TMEM163: variants seen among roughly 807,000 people sequenced by gnomAD.
TMEM163 encodes the protein transmembrane protein 163.
A neutral mutation model predicts 29.3 loss-of-function variants in TMEM163; 17 were observed. The observed-to-expected ratio is 0.58, with a 90% CI of 0.40 to 0.87. The LOEUF (loss-of-function observed/expected upper bound fraction) is 0.87, where lower values mean the gene tolerates loss of function less well. Among genes scored for constraint, TMEM163 ranks in the 40% least tolerant of loss-of-function variants. The pLI, the probability that TMEM163 is intolerant of heterozygous loss-of-function variation, is 0.00. For synonymous variants in TMEM163, 157 were observed against 160.6 expected, an observed-to-expected ratio of 0.98 and a Z score of 0.17; for missense variants, 303 against 381.5, an observed-to-expected ratio of 0.79 and a Z score of 1.71.
chr2:134,585,509 G>A (rs747739535), intron 2 of TMEM163, among the ~76,000 whole-genome samples: 12 of 152,172 alleles, frequency 7.9e-5, no homozygotes, highest in Non-Finnish European at 1.3e-4. Context: ...TTGGGAGGCC[G>A]AGGCGGGCAG....
intron 3 of TMEM163, among the ~76,000 whole-genome samples, chr2:134,551,113 C>T (rs1421465213): frequency 6.6e-6 from 1 of 152,132 alleles, no homozygotes; most frequent in East Asian, 1.9e-4. Flanking sequence ...TCTGCCAGCA[C>T]TTTAAAGTTG....
intron 4 of TMEM163, among the ~76,000 whole-genome samples, chr2:134,516,556 G>A (rs990347961): frequency 4.7e-5 from 7 of 150,084 alleles, no homozygotes; most frequent in African/African-American, 1.7e-4. Flanking sequence ...ACAAGACCCT[G>A]TCTCAAAAAT....
At chr2:134,465,065 A>G (rs6732942) in intron 6 of TMEM163, among the ~76,000 whole-genome samples, 37,133 of 151,796 alleles carry the variant, frequency 0.24, 7,546 homozygotes, top group East Asian at 0.6. Context: ...TTAAAAAAAT[A>G]ATCTACCCGG....
At position 134,708,413 on chromosome 2, in the gene TMEM163, A is replaced by G. The variant is rs74816214; in HGVS notation, c.322+4787T>C. Among the ~76,000 whole-genome samples, 2,905 of 152,300 alleles carry G rather than the reference A, an allele frequency of 0.019. 147 individuals carry two copies. The East Asian group carries it at 0.19, about 10-fold the overall frequency. ...ATAATTTAGAAAGAAAAAGAATAAA[A>G]ACACATATCTTACCATTTTTAAGGG... On this transcript the variant is annotated intron_variant, in intron 2 of 7. Transcript: ENST00000281924.
At position 134,500,480 on chromosome 2, in the gene TMEM163, T is replaced by C. The variant is rs146998190; in HGVS notation, c.555+2421A>G. Among the ~76,000 whole-genome samples, 570 of 152,340 alleles carry C rather than the reference T, an allele frequency of 3.7e-3. 5 individuals are homozygous for C. The highest frequency in any genetic ancestry group is 0.011 in the African/African-American group (472 of 41,576). On this transcript the variant is annotated intron_variant, in intron 5 of 7. Coordinates refer to ENST00000281924, the MANE Select transcript of TMEM163 (RefSeq NM_030923.5). ...TTGAAAGCTCCTTAGTTAACAACTC[T>C]GAAGGCTTAAACAAAACCACCAGCA...
rs897799669 is a variant in TMEM163, at chr2:134,619,277, G to A, written c.323-67186C>T. 3.3e-5 allele frequency among the ~76,000 whole-genome samples: 5 copies of A among 152,154 alleles called. No homozygotes were observed. The East Asian group carries it at 5.8e-4, about 18-fold the overall frequency. On this transcript the variant is annotated intron_variant, in intron 2 of 7. Transcript: ENST00000281924. ...CTAATTTTATGAGGCCAGTATTACC[G>A]TAATACCAAAGCTAGACGGACATCA...
intron 4 of TMEM163, among the ~76,000 whole-genome samples, chr2:134,530,451 A>AT (rs1441449524): frequency 6.6e-6 from 1 of 151,950 alleles, no homozygotes; most frequent in African/African-American, 2.4e-5. Context: ...AATTTATTTC[A>AT]TTTTTTGTAG....
intron 4 of TMEM163, among the ~76,000 whole-genome samples, chr2:134,538,867 G>T (rs1680599145): frequency 6.6e-6 from 1 of 152,122 alleles, no homozygotes; most frequent in African/African-American, 2.4e-5. Flanking sequence ...AAGGCTACAG[G>T]GATTGGGACT....
chr2:134,718,787 C>A lies in TMEM163; in HGVS notation c.149G>T (p.Arg50Leu). The A allele has an allele frequency of 8.7e-7, 1 of 1,150,292 alleles. No homozygotes were observed. The highest frequency in any genetic ancestry group is 1.1e-6 in the Non-Finnish European group (1 of 935,830). 71.3% of individuals were successfully genotyped at this position (1,150,292 alleles called of 1,614,324 possible). Residue 50 changes from arginine to leucine, a missense_variant, in exon 1 of 8, where the codon CGG becomes CTG. This residue lies in a region of TMEM163 where 100 missense variants were observed against 87.2 expected (regional missense o/e 1.15). Coordinates refer to ENST00000281924, the MANE Select transcript of TMEM163 (RefSeq NM_030923.5). ...GCCGCTCTCGCTGATCCGCACCTGC[C>A]GCTCCTCCTCCAGCTGGGGCGGCTC... ...VREPPQLEEE[R>L]QVRISESGQF...
chr2:134,690,582 C>T (rs530777484), intron 2 of TMEM163, among the ~76,000 whole-genome samples: 61 of 152,312 alleles, frequency 4.0e-4, no homozygotes, highest in African/African-American at 1.3e-3. Flanking sequence ...CCGCACTCAG[C>T]CTATATCGGC....
intron 5 of TMEM163, among the ~76,000 whole-genome samples, chr2:134,477,786 C>T (rs1406821577): frequency 2.0e-5 from 3 of 152,322 alleles, no homozygotes; most frequent in African/African-American, 7.2e-5. Context: ...AATGGAAGAA[C>T]ATGGACCTCA....
intron 2 of TMEM163, among the ~76,000 whole-genome samples, chr2:134,576,800 T>C (rs1264303864): frequency 2.6e-5 from 4 of 152,198 alleles, no homozygotes; most frequent in Non-Finnish European, 5.9e-5. Flanking sequence ...CAGGAGTTCC[T>C]TCCTTTCCCA....
At chr2:134,576,116 G>C (rs1681548960) in intron 2 of TMEM163, among the ~76,000 whole-genome samples, 1 of 152,184 alleles carries the variant, frequency 6.6e-6, no homozygotes, top group Admixed American at 6.5e-5. Context: ...TAACTCCTGA[G>C]GAAAAGGTAT....
At chr2:134,530,547 G>C (rs978967411) in intron 4 of TMEM163, among the ~76,000 whole-genome samples, 7 of 152,104 alleles carry the variant, frequency 4.6e-5, no homozygotes, top group African/African-American at 1.7e-4. Flanking sequence ...AAAGTGCTTG[G>C]GTTACAGGCA....
At chr2:134,672,480 G>C (rs1264621469) in intron 2 of TMEM163, among the ~76,000 whole-genome samples, 1 of 152,050 alleles carries the variant, frequency 6.6e-6, no homozygotes, top group Non-Finnish European at 1.5e-5. Context: ...AAGATTCACT[G>C]AAGTGATCCT....
chr2:134,456,126 A>T lies in TMEM163; in HGVS notation c.*590T>A, dbSNP rs1686382422. On this transcript the variant is annotated 3_prime_UTR_variant, in exon 8 of 8. Coordinates refer to ENST00000281924, the MANE Select transcript of TMEM163 (RefSeq NM_030923.5). The stretch of plus-strand genomic sequence containing the variant: ...TATTTAATTCGTCCATGCAAAGCTT[A>T]TACGTGTATCACTAAGTACTTTAAA... The T allele has an allele frequency of 6.5e-6, 1 of 152,944 alleles. No individual in the cohort carries two copies. The highest frequency in any genetic ancestry group is 2.1e-4 in the South Asian group (1 of 4,844). The allele number at this position is 152,944 out of a possible 1,614,324, so 9.5% of individuals were successfully genotyped here. A position where few individuals can be genotyped will look rare whatever the true frequency, so the allele number is the denominator to read the frequency against.
At chr2:134,633,855 G>A (rs1033112628) in intron 2 of TMEM163, among the ~76,000 whole-genome samples, 5 of 150,808 alleles carry the variant, frequency 3.3e-5, no homozygotes, top group African/African-American at 1.2e-4. Context: ...CTAGCTACTC[G>A]GGAGGCTGAG....
chr2:134,604,630 T>C (rs1301102986), intron 2 of TMEM163, among the ~76,000 whole-genome samples: 1 of 152,086 alleles, frequency 6.6e-6, no homozygotes, highest in South Asian at 2.1e-4. Flanking sequence ...AAGGCAGCAG[T>C]CATTGAAAAT....
At chr2:134,695,784 G>C (rs1684565297) in intron 2 of TMEM163, among the ~76,000 whole-genome samples, 2 of 152,034 alleles carry the variant, frequency 1.3e-5, no homozygotes, top group Non-Finnish European at 2.9e-5. Flanking sequence ...GTTTTGGTTG[G>C]GCATGGTAGC....
Sources: allele counts gnomAD v4.1 joint callset (sites outside exome capture counted in the v4.1 genomes callset), GRCh38; gene constraint gnomAD v4.1.1; regional missense constraint gnomAD v4.1.1; transcripts MANE v1.5; gene names NCBI Gene and HGNC (gene_info 2026-07-23, HGNC 2026-07-21).